The following RGL1 variants were observed in gnomAD, a reference collection of about 807,000 sequenced individuals.
RGL1 encodes the protein ral guanine nucleotide dissociation stimulator-like 1.
RGL1 carries 24 observed loss-of-function variants against 95.2 expected under a neutral mutation model. The ratio of observed to expected loss-of-function variants is 0.25; its 90% CI spans 0.18 to 0.35. RGL1 has a LOEUF of 0.35. Among genes scored for constraint, RGL1 ranks in the 10% least tolerant of loss-of-function variants. RGL1 has a pLI of 1.00. For missense variants in RGL1, 715 were observed against 936.3 expected (o/e 0.76, Z 3.08); for synonymous variants, 329 against 344.9 (o/e 0.95, Z 0.51).
chr1:183,922,442 A>G, intron 17 of RGL1, 106 bp downstream of exon 17: 2 of 818,236 alleles, frequency 2.4e-6, no homozygotes, highest in Non-Finnish European at 4.1e-6. Context: ...GTATTGTTTT[A>G]TTGGGACCTA....
chr1:183,698,948 T>G (rs1019642493), intron 1 of RGL1, among the ~76,000 whole-genome samples: 1 of 152,240 alleles, frequency 6.6e-6, no homozygotes, highest in Non-Finnish European at 1.5e-5. Flanking sequence ...ATAAACTCCC[T>G]TAGGTTTGGC....
At chr1:183,849,084 T>TG (rs1664641749) in intron 3 of RGL1, among the ~76,000 whole-genome samples, 1 of 137,834 alleles carries the variant, frequency 7.3e-6, no homozygotes, top group African/African-American at 2.5e-5. Context: ...ATTTAAAAAA[T>TG]TTTTTTTTTC....
chr1:183,908,968 A>C (rs1004455435), intron 14 of RGL1, among the ~76,000 whole-genome samples: 1 of 152,172 alleles, frequency 6.6e-6, no homozygotes, highest in South Asian at 2.1e-4. Flanking sequence ...CTTCACTGAC[A>C]CAGACAAGTG....
intron 1 of RGL1, among the ~76,000 whole-genome samples, chr1:183,636,943 C>T (rs1027606962): frequency 6.6e-6 from 1 of 152,134 alleles, no homozygotes; most frequent in African/African-American, 2.4e-5. Context: ...AGTTGGACCT[C>T]GAGCAGAAGA....
intron 1 of RGL1, among the ~76,000 whole-genome samples, chr1:183,680,149 T>C (rs1192887702): frequency 6.6e-6 from 1 of 152,220 alleles, no homozygotes; most frequent in East Asian, 1.9e-4. Flanking sequence ...GCAAAAATTT[T>C]CTCCCATTCT....
chr1:183,733,149 C>G (rs561670079), intron 1 of RGL1, among the ~76,000 whole-genome samples: 2 of 152,016 alleles, frequency 1.3e-5, no homozygotes, highest in East Asian at 3.9e-4. Context: ...GTTGGAGTGT[C>G]CTTACGGGGT....
chr1:183,652,760 A>C (rs1357147513), intron 1 of RGL1, among the ~76,000 whole-genome samples: 1 of 152,176 alleles, frequency 6.6e-6, no homozygotes, highest in Non-Finnish European at 1.5e-5. Context: ...CTTGGGAAAT[A>C]CATGTTATAC....
intron 17 of RGL1, among the ~76,000 whole-genome samples, chr1:183,925,025 A>G (rs897092202): frequency 1.3e-5 from 2 of 152,148 alleles, no homozygotes; most frequent in African/African-American, 4.8e-5. Context: ...CTGAGTCAAA[A>G]TAACTTTGCT....
chr1:183,874,501 G>C (rs1666369627), intron 4 of RGL1, among the ~76,000 whole-genome samples: 1 of 151,032 alleles, frequency 6.6e-6, no homozygotes, highest in African/African-American at 2.4e-5. Flanking sequence ...CCTCCTTCTT[G>C]CCGTGGAGGT....
intron 2 of RGL1, among the ~76,000 whole-genome samples, chr1:183,756,177 G>A (rs370582236): frequency 6.6e-4 from 98 of 148,108 alleles, no homozygotes; most frequent in African/African-American, 2.2e-3. Flanking sequence ...GAGCCACTGC[G>A]CCTGGCCTGA....
chr1:183,859,651 T>C (rs1665384219), intron 3 of RGL1, among the ~76,000 whole-genome samples: 1 of 152,176 alleles, frequency 6.6e-6, no homozygotes, highest in Non-Finnish European at 1.5e-5. Flanking sequence ...TGTTGGGTCT[T>C]CTAGCTTTTT....
chr1:183,843,403 G>A (rs1003692360), intron 2 of RGL1, among the ~76,000 whole-genome samples: 8 of 152,116 alleles, frequency 5.3e-5, no homozygotes, highest in Non-Finnish European at 1.2e-4. Flanking sequence ...AATTTTTTCC[G>A]AGTAAGAAAG....
chr1:183,874,398 T>C (rs1208622032), intron 4 of RGL1, among the ~76,000 whole-genome samples: 1 of 152,220 alleles, frequency 6.6e-6, no homozygotes, highest in African/African-American at 2.4e-5. Context: ...TGACTTTGGG[T>C]AATTGGCTTC....
intron 4 of RGL1, among the ~76,000 whole-genome samples, chr1:183,871,520 C>T (rs1225629519): frequency 1.3e-5 from 2 of 152,112 alleles, no homozygotes; most frequent in African/African-American, 4.8e-5. Flanking sequence ...TTGGATTTAA[C>T]CATGAACAGA....
chr1:183,751,962 G>T (rs577284188), intron 2 of RGL1, among the ~76,000 whole-genome samples: 8 of 152,294 alleles, frequency 5.3e-5, no homozygotes, highest in African/African-American at 1.2e-4. Flanking sequence ...CATTGGTCTT[G>T]TTGGGAGCTG....
At chr1:183,723,140 A>G (rs1479433272) in intron 1 of RGL1, among the ~76,000 whole-genome samples, 1 of 152,222 alleles carries the variant, frequency 6.6e-6, no homozygotes, top group Non-Finnish European at 1.5e-5. Flanking sequence ...TAAGATAAAG[A>G]TGCGTATTAA....
intron 2 of RGL1, among the ~76,000 whole-genome samples, chr1:183,746,293 T>C (rs1439411858): frequency 6.6e-6 from 1 of 152,102 alleles, no homozygotes; most frequent in Non-Finnish European, 1.5e-5. Flanking sequence ...CATATGTGTA[T>C]CCTCAAACAA....
At chr1:183,776,047 A>G (rs1659577122) in intron 2 of RGL1, among the ~76,000 whole-genome samples, 1 of 152,210 alleles carries the variant, frequency 6.6e-6, no homozygotes, top group Non-Finnish European at 1.5e-5. Flanking sequence ...ATAAATATAG[A>G]ATAGGGAATT....
intron 1 of RGL1, among the ~76,000 whole-genome samples, chr1:183,712,046 A>G (rs1040047690): frequency 1.3e-5 from 2 of 152,236 alleles, no homozygotes; most frequent in African/African-American, 4.8e-5. Context: ...AAATGAACAT[A>G]AAGTATTTTC....
Sources: gnomAD v4.1 joint callset for allele counts (sites outside exome capture counted in the v4.1 genomes callset) on GRCh38, gnomAD v4.1.1 for gene constraint, MANE v1.5 for transcripts, NCBI Gene and HGNC (gene_info 2026-07-23, HGNC 2026-07-21) for gene names.